ADAM7: variants seen among roughly 807,000 people sequenced by gnomAD.
The protein encoded by ADAM7 is disintegrin and metalloproteinase domain-containing protein 7.
In ADAM7, 97 loss-of-function variants were observed where a neutral mutation model predicts 102.9. The observed-to-expected ratio is 0.94, with a 90% CI of 0.80 to 1.12. ADAM7 has a LOEUF of 1.12. Among genes scored for constraint, ADAM7 ranks in the 50% most tolerant of loss-of-function variants. The probability of loss-of-function intolerance (pLI) is 0.00; values close to 1 mark genes in which losing one functional copy is unlikely to be tolerated. For missense variants in ADAM7, 991 were observed against 908.7 expected (o/e 1.09, Z -1.16); for synonymous variants, 334 against 304.4 (o/e 1.10, Z -1.01).
At chr8:24,503,944 G>A (rs1471714842) in intron 20 of ADAM7, among the ~76,000 whole-genome samples, 1 of 151,818 alleles carries the variant, frequency 6.6e-6, no homozygotes, top group East Asian at 1.9e-4. Context: ...GTTGATGGGT[G>A]CAGCAAACCA....
chr8:24,485,164 A>AGGCATTTTCACATGCAAAAGCATT (rs1820094965), intron 9 of ADAM7, 113 bp from the exon 10 acceptor site: 1 of 914,294 alleles, frequency 1.1e-6, no homozygotes. Flanking sequence ...AGAAATAAGA[A>AGGCATTTTCACATGCAAAAGCATT]GGCATTTTCA....
chr8:24,491,324 G>A (rs1820343354), intron 13 of ADAM7, among the ~76,000 whole-genome samples: 1 of 152,194 alleles, frequency 6.6e-6, no homozygotes, highest in Non-Finnish European at 1.5e-5. Flanking sequence ...AGAGTTTACT[G>A]ACACTTCTTT....
chr8:24,497,203 A>G (rs952944100), intron 16 of ADAM7, among the ~76,000 whole-genome samples: 2 of 152,116 alleles, frequency 1.3e-5, no homozygotes, highest in Admixed American at 1.3e-4. Context: ...CTTTCTGCCA[A>G]GATTGTGAGA....
At chr8:24,493,418 A>G (rs1372340581) in intron 16 of ADAM7, among the ~76,000 whole-genome samples, 189 bp downstream of exon 16, 2 of 152,194 alleles carry the variant, frequency 1.3e-5, no homozygotes, top group East Asian at 1.9e-4. Context: ...AATTTTAGTC[A>G]TGCCAAATGA....
Position 24,463,831 on chromosome 8 carries a change from T to C in ADAM7, c.234-51T>C, listed in dbSNP as rs376376733. Reference sequence around the variant, plus strand: ...TCCATCACATTATAGGTTTTATCTGTCAGGTTTTTAGAACGAACAAATCTC... The same window carrying C: ...TCCATCACATTATAGGTTTTATCTGCCAGGTTTTTAGAACGAACAAATCTC... On this transcript the variant is annotated intron_variant, in intron 3 of 21. Transcript: ENST00000175238. The C allele has an allele frequency of 1.2e-4, 170 of 1,464,594 alleles. 2 individuals carry two copies. The African/African-American group carries it at 1.9e-3, about 17-fold the overall frequency. 90.7% of individuals were successfully genotyped at this position (1,464,594 alleles called of 1,614,324 possible).
intron 3 of ADAM7, among the ~76,000 whole-genome samples, chr8:24,449,355 T>G (rs1313850679): frequency 6.6e-6 from 1 of 152,238 alleles, no homozygotes; most frequent in Non-Finnish European, 1.5e-5. Flanking sequence ...CTAACTGGTG[T>G]GAGATGATAG....
intron 19 of ADAM7, 50 bp from the exon 20 acceptor site, chr8:24,501,427 T>C (rs1285893283): frequency 2.2e-6 from 3 of 1,343,942 alleles, no homozygotes; most frequent in South Asian, 2.7e-5. Context: ...ATAAATAACC[T>C]GAATAGCCCT....
At chr8:24,468,537 A>G (rs905309243) in intron 6 of ADAM7, among the ~76,000 whole-genome samples, 1 of 152,154 alleles carries the variant, frequency 6.6e-6, no homozygotes, top group Non-Finnish European at 1.5e-5. Context: ...AAGAAAAGAA[A>G]AAAAAGAACA....
chr8:24,457,759 C>A (rs150376552), intron 3 of ADAM7, among the ~76,000 whole-genome samples: 3 of 152,140 alleles, frequency 2.0e-5, no homozygotes, highest in African/African-American at 7.2e-5. Flanking sequence ...TGCCTAACTG[C>A]AAATCACAAA....
chr8:24,460,151 A>G (rs1819188304), intron 3 of ADAM7, among the ~76,000 whole-genome samples: 1 of 152,110 alleles, frequency 6.6e-6, no homozygotes, highest in Non-Finnish European at 1.5e-5. Flanking sequence ...ATATTAACAC[A>G]GCTATTCCAG....
At chr8:24,503,369 G>A (rs1410223909) in intron 20 of ADAM7, among the ~76,000 whole-genome samples, 1 of 152,098 alleles carries the variant, frequency 6.6e-6, no homozygotes, top group Non-Finnish European at 1.5e-5. Context: ...TAAAAAGTCA[G>A]GTAACAACAG....
At chr8:24,460,094 A>G (rs1250235415) in intron 3 of ADAM7, among the ~76,000 whole-genome samples, 1 of 152,086 alleles carries the variant, frequency 6.6e-6, no homozygotes, top group African/African-American at 2.4e-5. Context: ...TTTTTTTAAA[A>G]TGTATCTTTG....
At chr8:24,459,718 C>G (rs1471645088) in intron 3 of ADAM7, among the ~76,000 whole-genome samples, 3 of 152,134 alleles carry the variant, frequency 2.0e-5, no homozygotes, top group Non-Finnish European at 4.4e-5. Flanking sequence ...CCTTGGCCTC[C>G]CAAAGTGTCA....
chr8:24,507,562 C>A (rs1399481876), intron 21 of ADAM7, 27 bp downstream of exon 21: 1 of 1,575,542 alleles, frequency 6.3e-7, no homozygotes, highest in Non-Finnish European at 8.7e-7. Flanking sequence ...GATAGTACCT[C>A]CCTTTTTTAT....
chr8:24,475,939 G>A (rs1819754284), intron 7 of ADAM7: 2 of 456,420 alleles, frequency 4.4e-6, no homozygotes, highest in Non-Finnish European at 8.8e-6. Flanking sequence ...GAGGGAAGGG[G>A]TAGCTACAGT....
Position 24,466,827 on chromosome 8 carries a change from T to C in ADAM7, c.418T>C (p.Tyr140His), listed in dbSNP as rs1354336217. 5.0e-6 allele frequency: 8 copies of C among 1,613,578 alleles called. No individual in the cohort carries two copies. The South Asian group carries it at 6.6e-5, about 13-fold the overall frequency. The change falls in exon 6 of 22, where the codon TAC (tyrosine) becomes CAC (histidine). Residue 140 changes from tyrosine (Y) to histidine (H), a missense_variant. Coordinates refer to ENST00000175238, the MANE Select transcript of ADAM7 (RefSeq NM_003817.4). ...ATTCTTCAGAATAAACGACCAAAGA[T>C]ACCTCATTGAACCAGTGAAATACTC... ...RGFFRINDQRYLIEPVKYSDE... is the reference protein window; with the variant it reads ...RGFFRINDQRHLIEPVKYSDE...
At chr8:24,482,621 C>G (rs964465416) in intron 9 of ADAM7, among the ~76,000 whole-genome samples, 2 of 152,018 alleles carry the variant, frequency 1.3e-5, no homozygotes, top group African/African-American at 2.4e-5. Flanking sequence ...TGGGGGCAAG[C>G]ACCCATGGTC....
intron 20 of ADAM7, among the ~76,000 whole-genome samples, chr8:24,504,266 C>G (rs913306676): frequency 6.6e-6 from 1 of 151,816 alleles, no homozygotes; most frequent in Admixed American, 6.6e-5. Flanking sequence ...ACACGGGAGA[C>G]TGAGGCACCA....
chr8:24,468,847 C>A, intron 7 of ADAM7, 27 bp downstream of exon 7: 1 of 1,585,364 alleles, frequency 6.3e-7, no homozygotes, highest in Non-Finnish European at 8.7e-7. Context: ...ACATTTCTCT[C>A]TTTATTCTTC....
Sources: gnomAD v4.1 joint callset for allele counts (sites outside exome capture counted in the v4.1 genomes callset) on GRCh38, gnomAD v4.1.1 for gene constraint, MANE v1.5 for transcripts, NCBI Gene and HGNC (gene_info 2026-07-23, HGNC 2026-07-21) for gene names.